TOMM5: variants seen among roughly 807,000 people sequenced by gnomAD.
The protein encoded by TOMM5 is mitochondrial import receptor subunit TOM5 homolog.
In TOMM5, 1 loss-of-function variant was observed where a neutral mutation model predicts 4.8. The ratio of observed to expected loss-of-function variants is 0.21; its 90% CI spans 0.07 to 0.99. The LOEUF is 0.99. Ranked by LOEUF, TOMM5 falls within the 50% of genes least tolerant of loss-of-function variation. TOMM5 has a pLI of 0.60. For missense variants in TOMM5, 60 were observed against 66.6 expected (o/e 0.90, Z 0.35); for synonymous variants, 26 against 26.7 (o/e 0.97, Z 0.08).
intron 1 of TOMM5, chr9:37,592,200 C>CA: frequency 6.6e-7 from 1 of 1,505,114 alleles, no homozygotes; most frequent in East Asian, 2.5e-5. Flanking sequence ...GATGATTAAA[C>CA]ACGCGCGCCG....
chr9:37,590,185 T>C (rs1236176163), intron 1 of TOMM5, among the ~76,000 whole-genome samples: 2 of 152,108 alleles, frequency 1.3e-5, no homozygotes, highest in Non-Finnish European at 2.9e-5. Context: ...TCGAGCCCAA[T>C]AGTTTGAGAC....
At chr9:37,592,384 TCA>T (rs1406189498) in intron 1 of TOMM5, 26 bp downstream of exon 1, 1 of 1,613,772 alleles carries the variant, frequency 6.2e-7, no homozygotes, top group East Asian at 2.2e-5. Context: ...CCCGCTGGTC[TCA>T]CAGTCACAGC....
chr9:37,588,867 A>G lies in TOMM5; in HGVS notation c.*31T>C, dbSNP rs1823057230. ...AGTCGAAACTGTAACCAGGCTCTTC[A>G]TATCGTGCATTCATATGTGATGTCC... On this transcript the variant is annotated 3_prime_UTR_variant, in exon 2 of 2. Coordinates refer to ENST00000321301, the MANE Select transcript of TOMM5 (RefSeq NM_001001790.3). 6.2e-7 allele frequency: 1 copy of G among 1,611,752 alleles called. No homozygotes were observed. Among genetic ancestry groups the G allele is most frequent in the Non-Finnish European group, 8.5e-7 (1 of 1,177,804 alleles).
At chr9:37,588,969 C>A (rs752000220) in intron 1 of TOMM5, 37 bp from the exon 2 acceptor site, 5 of 1,546,850 alleles carry the variant, frequency 3.2e-6, no homozygotes, top group African/African-American at 1.4e-5. Context: ...GTTTTCAAAT[C>A]TATTAGCCCA....
At position 37,592,597 on chromosome 9, in the gene TOMM5, C is replaced by A; in HGVS notation, c.-65G>T. 2 of 1,565,244 alleles carry A rather than the reference C, an allele frequency of 1.3e-6. No individual in the cohort carries two copies. The highest frequency in any genetic ancestry group is 2.3e-5 in the East Asian group (1 of 43,826). On this transcript the variant is annotated 5_prime_UTR_variant, in exon 1 of 2. Coordinates refer to ENST00000321301, the MANE Select transcript of TOMM5 (RefSeq NM_001001790.3). Reference sequence around the variant, plus strand: ...CTCTCCACGGTGGCCGCCTCGCGCCCGGAACTCGGCCTATCCTCACTTCCT... The same window carrying A: ...CTCTCCACGGTGGCCGCCTCGCGCCAGGAACTCGGCCTATCCTCACTTCCT...
At chr9:37,590,606 G>T (rs1330229698) in intron 1 of TOMM5, among the ~76,000 whole-genome samples, 1 of 152,000 alleles carries the variant, frequency 6.6e-6, no homozygotes, top group Non-Finnish European at 1.5e-5. Flanking sequence ...CCTTAAATGG[G>T]TATATTGTAT....
chr9:37,588,504 A>G lies in TOMM5; in HGVS notation c.*394T>C, dbSNP rs775287816. ...GGTTGTGTGCTGATTTCCACAAAAC[A>G]TAATATAAGAGACTCTTCACAAATA... On this transcript the variant is annotated 3_prime_UTR_variant, in exon 2 of 2. Transcript: ENST00000321301. 1 of 320,600 alleles carries G rather than the reference A, an allele frequency of 3.1e-6. No homozygotes were observed. Among genetic ancestry groups the G allele is most frequent in the Non-Finnish European group, 6.0e-6 (1 of 166,356 alleles). The allele number at this position is 320,600 out of a possible 1,614,324, so 19.9% of individuals were successfully genotyped here. A position where few individuals can be genotyped will look rare whatever the true frequency, so the allele number is the denominator to read the frequency against.
chr9:37,588,840 G>T lies in TOMM5; in HGVS notation c.*58C>A. On this transcript the variant is annotated 3_prime_UTR_variant, in exon 2 of 2. Coordinates refer to ENST00000321301, the MANE Select transcript of TOMM5 (RefSeq NM_001001790.3). ...TTCTGGGCCTATTCACTTGCAGAGA[G>T]GAGTCGAAACTGTAACCAGGCTCTT... 1 of 1,537,894 alleles carries T rather than the reference G, an allele frequency of 6.5e-7. No individual in the cohort carries two copies. The highest frequency in any genetic ancestry group is 9.0e-7 in the Non-Finnish European group (1 of 1,110,618).
intron 1 of TOMM5, among the ~76,000 whole-genome samples, chr9:37,590,513 T>G (rs777663257): frequency 6.6e-6 from 1 of 152,194 alleles, no homozygotes; most frequent in Non-Finnish European, 1.5e-5. Flanking sequence ...TGAATTCGTA[T>G]GGTGTTTCTT....
chr9:37,590,796 C>T (rs1823087962), intron 1 of TOMM5, among the ~76,000 whole-genome samples: 2 of 152,146 alleles, frequency 1.3e-5, no homozygotes, highest in African/African-American at 2.4e-5. Flanking sequence ...ACGGGTGTTT[C>T]TGTTCCCCAA....
chr9:37,590,333 T>C (rs185426516), intron 1 of TOMM5, among the ~76,000 whole-genome samples: 1 of 152,052 alleles, frequency 6.6e-6, no homozygotes, highest in East Asian at 1.9e-4. Context: ...GAGGTCGAGG[T>C]TGCTGTGAGC....
chr9:37,592,297 T>A (rs1486900712), intron 1 of TOMM5, 115 bp downstream of exon 1: 1 of 1,566,470 alleles, frequency 6.4e-7, no homozygotes, highest in African/African-American at 1.4e-5. Context: ...GCACCCTCCT[T>A]GCTCCCCGCT....
rs770925305 is a variant in TOMM5, at chr9:37,592,431, G to A, written c.102C>T (p.Tyr34=). ...VISSIRNFLI[Y]VALLRVTPFI... is the part of the protein sequence containing the mutation. ...ACTCACTGACTCGCAGGAGGGCCAC[G>A]TAGATGAGAAAGTTCCGTATGGAGG... is the stretch of plus-strand genomic sequence containing the variant. The change falls in exon 1 of 2, where the codon TAC becomes TAT. Residue 34 remains tyrosine (Y), a synonymous_variant. Coordinates refer to ENST00000321301, the MANE Select transcript of TOMM5 (RefSeq NM_001001790.3). The A allele has an allele frequency of 6.2e-7, 1 of 1,614,124 alleles. No homozygotes were observed. Among genetic ancestry groups the A allele is most frequent in the Non-Finnish European group, 8.5e-7 (1 of 1,180,010 alleles).
Position 37,588,682 on chromosome 9 carries a change from T to C in TOMM5, c.*216A>G, listed in dbSNP as rs534910477. ...AGGCCAAACGTCACAGGGATAAGGG[T>C]ACACCAGATCACGAGACATCGTTTC... On this transcript the variant is annotated 3_prime_UTR_variant, in exon 2 of 2. Coordinates refer to ENST00000321301, the MANE Select transcript of TOMM5 (RefSeq NM_001001790.3). 176 of 692,036 alleles carry C rather than the reference T, an allele frequency of 2.5e-4. No individual in the cohort carries two copies. Among genetic ancestry groups the C allele is most frequent in the Non-Finnish European group, 3.9e-4 (148 of 379,146 alleles). 42.9% of individuals were successfully genotyped at this position (692,036 alleles called of 1,614,324 possible).
At chr9:37,589,756 G>A (rs34573740) in intron 1 of TOMM5, among the ~76,000 whole-genome samples, 18,449 of 151,970 alleles carry the variant, frequency 0.12, 1,205 homozygotes, top group Middle Eastern at 0.15. Context: ...TCCTGAGCTC[G>A]AACAATCTGC....
At chr9:37,589,285 A>G (rs942487535) in intron 1 of TOMM5, among the ~76,000 whole-genome samples, 3 of 152,256 alleles carry the variant, frequency 2.0e-5, no homozygotes, top group African/African-American at 7.2e-5. Context: ...ACAAATGGGC[A>G]TTTTTCACCT....
chr9:37,592,231 G>A (rs753874093), intron 1 of TOMM5, 181 bp downstream of exon 1: 7 of 1,537,120 alleles, frequency 4.6e-6, no homozygotes, highest in East Asian at 4.9e-5. Flanking sequence ...GCACTTCAGT[G>A]CCCGGACCCT....
chr9:37,589,001 CA>C, intron 1 of TOMM5, 69 bp from the exon 2 acceptor site: 1 of 1,345,098 alleles, frequency 7.4e-7, no homozygotes, highest in Non-Finnish European at 1.1e-6. Flanking sequence ...ATAGAATTAT[CA>C]GGTTTATTCA....
intron 1 of TOMM5, among the ~76,000 whole-genome samples, chr9:37,589,887 C>T (rs1002104793): frequency 6.6e-6 from 1 of 152,098 alleles, no homozygotes; most frequent in African/African-American, 2.4e-5. Context: ...AGCAGTATAT[C>T]CAATTTTTCC....
Sources: gnomAD v4.1 joint callset for allele counts (sites outside exome capture counted in the v4.1 genomes callset) on GRCh38, gnomAD v4.1.1 for gene constraint, MANE v1.5 for transcripts, NCBI Gene and HGNC (gene_info 2026-07-23, HGNC 2026-07-21) for gene names.